KCNN2: variants seen among roughly 807,000 people sequenced by gnomAD.
The protein encoded by KCNN2 is potassium calcium-activated channel subfamily N member 2, also known as small conductance calcium-activated potassium channel protein 2.
KCNN2 carries 24 observed loss-of-function variants against 55.5 expected under a neutral mutation model. That is an observed-to-expected ratio of 0.43 (90% CI 0.31 to 0.61). The LOEUF (loss-of-function observed/expected upper bound fraction) is 0.61. Among genes scored for constraint, KCNN2 ranks in the 20% least tolerant of loss-of-function variants. KCNN2 has a pLI of 0.08. For synonymous variants in KCNN2, 431 were observed against 336.1 expected (o/e 1.28, Z -3.09); for missense variants, 754 against 853.6 (o/e 0.88, Z 1.45).
intron 1 of KCNN2, among the ~76,000 whole-genome samples, chr5:114,168,484 A>C (rs1218776205): frequency 6.6e-6 from 1 of 152,152 alleles, no homozygotes; most frequent in Admixed American, 6.6e-5. Flanking sequence ...CTCAAGGCTA[A>C]TATTCTTCAT....
chr5:114,288,495 T>TACACACACACACAC (rs771115837), intron 2 of KCNN2, among the ~76,000 whole-genome samples: 120 of 75,292 alleles, frequency 1.6e-3, no homozygotes, highest in Admixed American at 2.2e-3. Context: ...TTTATATATA[T>TACACACACACACAC]ATATACACAC....
At chr5:114,270,464 T>C (rs1194987009) in intron 2 of KCNN2, among the ~76,000 whole-genome samples, 2 of 152,166 alleles carry the variant, frequency 1.3e-5, no homozygotes, top group African/African-American at 4.8e-5. Flanking sequence ...TGCAAGAATA[T>C]GGTAATATAC....
intron 1 of KCNN2, among the ~76,000 whole-genome samples, chr5:114,182,989 G>C: frequency 6.6e-6 from 1 of 152,014 alleles, no homozygotes; most frequent in African/African-American, 2.4e-5. Flanking sequence ...TAAAATGTTA[G>C]CTGTAGATTT....
In KCNN2 at chr5:114,445,106, A is replaced by G. The variant is rs1203157558; in HGVS notation, c.1638-17943A>G. ...TGTATATGTGTGTGTCTTTACATGT[A>G]TATGTATACATGCAATGTGGGGTGC... On this transcript the variant is annotated intron_variant, in intron 3 of 7. Transcript: ENST00000673685. Among the ~76,000 whole-genome samples, 12 of 152,152 alleles carry G rather than the reference A, an allele frequency of 7.9e-5. No homozygotes were observed. In the East Asian group the frequency reaches 2.1e-3, roughly 27 times the overall value.
At chr5:114,380,011 A>G (rs962047714) in intron 2 of KCNN2, among the ~76,000 whole-genome samples, 1 of 151,410 alleles carries the variant, frequency 6.6e-6, no homozygotes, top group Non-Finnish European at 1.5e-5. Flanking sequence ...TTATTTTTTA[A>G]TTTATATCAT....
chr5:114,383,642 A>G (rs920955064), intron 2 of KCNN2, among the ~76,000 whole-genome samples: 1 of 151,816 alleles, frequency 6.6e-6, no homozygotes, highest in African/African-American at 2.4e-5. Flanking sequence ...TAATTTTTGT[A>G]TTTTTAGTAG....
chr5:114,189,394 C>G (rs1203800520), intron 1 of KCNN2, among the ~76,000 whole-genome samples: 1 of 152,066 alleles, frequency 6.6e-6, no homozygotes, highest in East Asian at 1.9e-4. Flanking sequence ...CTTAGTAAGC[C>G]TGTTCTATTT....
rs1278625011 is a variant in KCNN2 at position 114,493,476 on chromosome 5, A to T, written c.2088+4A>T. Reference sequence around the variant, plus strand: ...CACTTTGGTGGACTTGGCAAAGGTAAGCCTGAGGTGCTTAGCCCTCCTAGT... The same window carrying T: ...CACTTTGGTGGACTTGGCAAAGGTATGCCTGAGGTGCTTAGCCCTCCTAGT... On this transcript the variant is annotated splice_donor_region_variant and intron_variant, in intron 7 of 7. Transcript: ENST00000673685. 1 of 1,604,698 alleles carries T rather than the reference A, an allele frequency of 6.2e-7. No homozygotes were observed. The highest frequency in any genetic ancestry group is 1.3e-5 in the African/African-American group (1 of 74,740).
intron 1 of KCNN2, among the ~76,000 whole-genome samples, chr5:114,076,749 A>C (rs1022953488): frequency 1.3e-5 from 2 of 152,140 alleles, no homozygotes; most frequent in African/African-American, 2.4e-5. Flanking sequence ...GCTGGAGTGC[A>C]GTGGTGCGAT....
intron 2 of KCNN2, among the ~76,000 whole-genome samples, chr5:114,388,879 T>C (rs1758364243): frequency 1.3e-5 from 2 of 152,166 alleles, no homozygotes; most frequent in African/African-American, 4.8e-5. Context: ...ATAATGATTT[T>C]ACAGCCCTTC....
rs70976336 is a variant in KCNN2, at chr5:114,312,386, T to TACACACAC, written c.-184-48517_-184-48510dup. ...TCATCCTGTGAAATAAAAAAGGAGA[T>TACACACAC]ACACACACACACACACACACACACA... On this transcript the variant is annotated intron_variant, in intron 2 of 10. Coordinates refer to the KCNN2 transcript ENST00000512097. 1.3e-3 allele frequency among the ~76,000 whole-genome samples: 66 copies of TACACACAC among 51,804 alleles called. 1 individual carries two copies. Among genetic ancestry groups the TACACACAC allele is most frequent in the African/African-American group, 2.6e-3 (38 of 14,688 alleles). 34.0% of individuals were successfully genotyped at this position (51,804 alleles called of 152,430 possible).
chr5:114,141,203 C>G (rs1044838795), intron 1 of KCNN2, among the ~76,000 whole-genome samples: 1 of 152,022 alleles, frequency 6.6e-6, no homozygotes, highest in Non-Finnish European at 1.5e-5. Flanking sequence ...CATATGTATA[C>G]ATGTGCCATG....
intron 3 of KCNN2, among the ~76,000 whole-genome samples, chr5:114,440,562 A>G (rs1281053901): frequency 6.6e-6 from 1 of 151,828 alleles, no homozygotes; most frequent in Non-Finnish European, 1.5e-5. Flanking sequence ...CAACACCAAA[A>G]ATGAGTACTT....
chr5:114,352,364 T>G (rs1757221389), intron 2 of KCNN2, among the ~76,000 whole-genome samples: 1 of 151,732 alleles, frequency 6.6e-6, no homozygotes, highest in South Asian at 2.1e-4. Flanking sequence ...ATTTTATTGA[T>G]CTTTTCAAAA....
At chr5:114,070,175 G>A in intron 1 of KCNN2, among the ~76,000 whole-genome samples, 1 of 152,004 alleles carries the variant, frequency 6.6e-6, no homozygotes, top group Non-Finnish European at 1.5e-5. Context: ...CAACTGTCTC[G>A]ACTGTCTCAT....
At chr5:114,423,744 A>G (rs1210226916) in intron 3 of KCNN2, among the ~76,000 whole-genome samples, 9 of 152,210 alleles carry the variant, frequency 5.9e-5, no homozygotes, top group Admixed American at 2.6e-4. Context: ...AGCAGTCACT[A>G]TAATCAAGGG....
At chr5:114,491,785 C>T (rs984666424) in intron 6 of KCNN2, among the ~76,000 whole-genome samples, 13 of 151,956 alleles carry the variant, frequency 8.6e-5, no homozygotes, top group Non-Finnish European at 1.9e-4. Context: ...GGATGGAATC[C>T]ACTGTTGTAC....
At chr5:114,161,930 C>T (rs1418114188) in intron 1 of KCNN2, among the ~76,000 whole-genome samples, 1 of 152,160 alleles carries the variant, frequency 6.6e-6, no homozygotes, top group Admixed American at 6.6e-5. Context: ...TTTTTAACTT[C>T]GTTGCCATTG....
intron 2 of KCNN2, among the ~76,000 whole-genome samples, chr5:114,324,833 C>A (rs909482566): frequency 6.6e-6 from 1 of 152,174 alleles, no homozygotes; most frequent in Non-Finnish European, 1.5e-5. Context: ...TTGCCTTTCA[C>A]AGGCTGTTAG....
Sources: allele counts gnomAD v4.1 joint callset (sites outside exome capture counted in the v4.1 genomes callset), GRCh38; gene constraint gnomAD v4.1.1; transcripts MANE v1.5; gene names NCBI Gene and HGNC (gene_info 2026-07-23, HGNC 2026-07-21).